Variants in DGKB observed in about 807,000 individuals in gnomAD.
The protein encoded by DGKB is diacylglycerol kinase beta, also known as 90 kDa diacylglycerol kinase.
A neutral mutation model predicts 114.3 loss-of-function variants in DGKB; 67 were observed. That is an observed-to-expected ratio of 0.59 (90% CI 0.48 to 0.72). The LOEUF (loss-of-function observed/expected upper bound fraction) is 0.72, where lower values mean the gene tolerates loss of function less well. Among genes scored for constraint, DGKB ranks in the 30% least tolerant of loss-of-function variants. The pLI is 0.00. For missense variants in DGKB, 907 were observed against 975.2 expected, an observed-to-expected ratio of 0.93 and a Z score of 0.93; for synonymous variants, 398 against 323.1, an observed-to-expected ratio of 1.23 and a Z score of -2.49.
chr7:14,763,225 C>G (rs946905005), intron 2 of DGKB, among the ~76,000 whole-genome samples: 2 of 152,040 alleles, frequency 1.3e-5, no homozygotes, highest in East Asian at 3.9e-4. Flanking sequence ...CATGGTTTAT[C>G]TGTCAACTTA....
At chr7:14,528,956 G>C (rs980666746) in intron 20 of DGKB, among the ~76,000 whole-genome samples, 3 of 151,932 alleles carry the variant, frequency 2.0e-5, no homozygotes, top group African/African-American at 7.2e-5. Flanking sequence ...TCAGAATTTG[G>C]TCTACTGCAC....
intron 21 of DGKB, among the ~76,000 whole-genome samples, chr7:14,452,438 G>A (rs756050681): frequency 6.6e-6 from 1 of 151,918 alleles, no homozygotes; most frequent in African/African-American, 2.4e-5. Flanking sequence ...ATTGCAAATT[G>A]TATCATTTAG....
chr7:14,764,843 G>T (rs1481785557), intron 2 of DGKB, among the ~76,000 whole-genome samples: 1 of 151,602 alleles, frequency 6.6e-6, no homozygotes. Context: ...TAGCATTTTG[G>T]AATCCAGCAG....
intron 23 of DGKB, among the ~76,000 whole-genome samples, chr7:14,196,253 G>T (rs1264630390): frequency 1.3e-5 from 2 of 152,068 alleles, no homozygotes; most frequent in African/African-American, 4.8e-5. Flanking sequence ...TTTCCTCATT[G>T]CCTCACCATT....
At chr7:14,966,240 T>C (rs986628011) in intron 1 of DGKB, among the ~76,000 whole-genome samples, 2 of 152,102 alleles carry the variant, frequency 1.3e-5, no homozygotes, top group East Asian at 1.9e-4. Flanking sequence ...GTTAGACATA[T>C]AGTACACTGA....
chr7:14,278,039 T>C (rs865939512), intron 23 of DGKB, among the ~76,000 whole-genome samples: 12 of 152,238 alleles, frequency 7.9e-5, no homozygotes, highest in African/African-American at 2.9e-4. Flanking sequence ...GAATGTTCTT[T>C]GTGAATTTGT....
intron 2 of DGKB, among the ~76,000 whole-genome samples, chr7:14,769,734 A>G (rs1452760811): frequency 1.3e-5 from 2 of 151,970 alleles, no homozygotes; most frequent in African/African-American, 4.8e-5. Flanking sequence ...TCTCATAGGA[A>G]TTAGTTTCAC....
intron 14 of DGKB, among the ~76,000 whole-genome samples, chr7:14,628,374 A>C (rs78115505): frequency 0.017 from 2,558 of 152,004 alleles, 31 homozygotes; most frequent in Non-Finnish European, 0.024. Context: ...CAACTGTGCA[A>C]GCTTTGGGTA....
intron 23 of DGKB, chr7:14,209,254 G>T: frequency 4.9e-5 from 13 of 267,586 alleles, no homozygotes; most frequent in South Asian, 1.3e-4. Context: ...ACATTTATTT[G>T]CTTCAAATGA....
At chr7:14,627,950 C>CAAA (rs56827397) in intron 14 of DGKB, among the ~76,000 whole-genome samples, 2,267 of 93,520 alleles carry the variant, frequency 0.024, 62 homozygotes, top group African/African-American at 0.067. Context: ...CTCAAAAAAA[C>CAAA]AAAAAAAAAA....
chr7:14,210,291 A>G (rs1787547562), intron 23 of DGKB, among the ~76,000 whole-genome samples: 1 of 151,962 alleles, frequency 6.6e-6, no homozygotes, highest in Non-Finnish European at 1.5e-5. Context: ...CAAATGCCTG[A>G]CTCTTTAACT....
chr7:14,199,073 C>A (rs1180930271), intron 23 of DGKB, among the ~76,000 whole-genome samples: 4 of 151,886 alleles, frequency 2.6e-5, no homozygotes, highest in Non-Finnish European at 5.9e-5. Flanking sequence ...ATGGTACTGA[C>A]CTTAGATTGT....
chr7:14,965,813 T>G (rs528733044), intron 1 of DGKB, among the ~76,000 whole-genome samples: 1 of 152,200 alleles, frequency 6.6e-6, no homozygotes, highest in Non-Finnish European at 1.5e-5. Context: ...CTCTCTTTCA[T>G]TTGGCACTGG....
At chr7:14,839,753 T>G (rs1206940653) in intron 2 of DGKB, among the ~76,000 whole-genome samples, 2 of 152,150 alleles carry the variant, frequency 1.3e-5, no homozygotes, top group African/African-American at 4.8e-5. Context: ...CCATAAGTTA[T>G]GTCAAAATTT....
At chr7:14,158,307 C>T (rs1456295738) in intron 25 of DGKB, among the ~76,000 whole-genome samples, 1 of 152,184 alleles carries the variant, frequency 6.6e-6, no homozygotes, top group Non-Finnish European at 1.5e-5. Context: ...ATATTATGGC[C>T]ATCTGCCTTC....
intron 14 of DGKB, among the ~76,000 whole-genome samples, chr7:14,624,824 CCT>C (rs1187732191): frequency 6.6e-6 from 1 of 151,906 alleles, no homozygotes; most frequent in African/African-American, 2.4e-5. Flanking sequence ...ATGGTGAGCC[CCT>C]GTCGCTACTA....
intron 17 of DGKB, among the ~76,000 whole-genome samples, chr7:14,601,544 T>C (rs1803550466): frequency 6.6e-6 from 1 of 152,194 alleles, no homozygotes; most frequent in Admixed American, 6.5e-5. Flanking sequence ...AAATCCTTAA[T>C]TTTTGCTTCC....
At chr7:14,216,690 C>T (rs963872961) in intron 23 of DGKB, among the ~76,000 whole-genome samples, 1 of 136,586 alleles carries the variant, frequency 7.3e-6, no homozygotes, top group Non-Finnish European at 1.5e-5. Flanking sequence ...TGAAACATTA[C>T]ACTCCAACCT....
chr7:14,436,038 T>G (rs1367783642), intron 21 of DGKB, among the ~76,000 whole-genome samples: 1 of 152,072 alleles, frequency 6.6e-6, no homozygotes, highest in Admixed American at 6.6e-5. Flanking sequence ...TAATGCCTAA[T>G]TTTTCCCATT....
Sources: allele counts gnomAD v4.1 joint callset (sites outside exome capture counted in the v4.1 genomes callset), GRCh38; gene constraint gnomAD v4.1.1; transcripts MANE v1.5; gene names NCBI Gene and HGNC (gene_info 2026-07-23, HGNC 2026-07-21).